Variants in POU2AF1 observed in about 807,000 individuals in gnomAD.
POU2AF1 encodes the protein POU class 2 homeobox associating factor 1.
A neutral mutation model predicts 26.3 loss-of-function variants in POU2AF1; 12 were observed. The ratio of observed to expected loss-of-function variants is 0.46; its 90% CI spans 0.29 to 0.74. POU2AF1 has a LOEUF of 0.74. POU2AF1 is among the 30% of genes least tolerant of loss of function. POU2AF1 has a pLI of 0.09. For synonymous variants in POU2AF1, 175 were observed against 148.0 expected, an observed-to-expected ratio of 1.18 and a Z score of -1.32; for missense variants, 297 against 334.5, an observed-to-expected ratio of 0.89 and a Z score of 0.87.
At chr11:111,378,545 C>T (rs1464292135) in intron 1 of POU2AF1, among the ~76,000 whole-genome samples, 1 of 152,208 alleles carries the variant, frequency 6.6e-6, no homozygotes, top group Non-Finnish European at 1.5e-5. Flanking sequence ...GATAAACCCA[C>T]TGCATCCTTT....
Position 111,354,481 on chromosome 11 carries a change from G to A in POU2AF1, c.551C>T (p.Ser184Phe). The A allele has an allele frequency of 6.2e-7, 1 of 1,608,658 alleles. No individual in the cohort carries two copies. The highest frequency in any genetic ancestry group is 8.5e-7 in the Non-Finnish European group (1 of 1,178,044). ...LTYFPWPQPL[S>F]TLPTSTLQYQ... ...CTGCAGGGTGGAGGTGGGTAGTGTG[G>A]AAAGGGGCTGAGGCCACGGGAAATA... The change falls in exon 5 of 5, where the codon TCC (serine) becomes TTC (phenylalanine). Residue 184 changes from serine (S) to phenylalanine (F), a missense_variant. Ser to Phe is a radical substitution (Grantham distance 155). Transcript: ENST00000393067.
intron 1 of POU2AF1, among the ~76,000 whole-genome samples, chr11:111,366,669 TCCAC>T (rs1349830385): frequency 6.6e-6 from 1 of 152,020 alleles, no homozygotes; most frequent in Non-Finnish European, 1.5e-5. Context: ...TGAACCAGGG[TCCAC>T]GGTCACTGAG....
In POU2AF1 at chr11:111,353,877, G is replaced by A. The variant is rs1185282259; in HGVS notation, c.*384C>T. ...GGAACAGAATTGAAAAAAGAAGTAA[G>A]AAAGAGAGAAGAAGCGAGGGAGGGA... On this transcript the variant is annotated 3_prime_UTR_variant, in exon 5 of 5. Transcript: ENST00000393067. 3 of 284,458 alleles carry A rather than the reference G, an allele frequency of 1.1e-5. No individual in the cohort carries two copies. The highest frequency in any genetic ancestry group is 1.9e-5 in the Non-Finnish European group (3 of 154,642). The allele number at this position is 284,458 out of a possible 1,614,324, so 17.6% of individuals were successfully genotyped here.
chr11:111,354,532 C>G lies in POU2AF1; in HGVS notation c.500G>C (p.Gly167Ala), dbSNP rs753286475. The change falls in exon 5 of 5, where the codon GGC becomes GCC. Residue 167 changes from glycine to alanine, a missense_variant. By Grantham distance (60) the Gly-to-Ala change is moderately conservative (BLOSUM62 0). Transcript: ENST00000393067. ...ATPAVGPPLE[G>A]PEHQAPLTYF... The stretch of plus-strand genomic sequence containing the variant: ...GGTGAGGGGTGCCTGGTGCTCTGGG[C>G]CCTCCAGCGGGGGCCCCACTGCGGG... 2 of 1,561,068 alleles carry G rather than the reference C, an allele frequency of 1.3e-6. No individual in the cohort carries two copies. Among genetic ancestry groups the G allele is most frequent in the African/African-American group, 1.4e-5 (1 of 72,340 alleles).
At chr11:111,374,349 A>G (rs4245182) in intron 1 of POU2AF1, among the ~76,000 whole-genome samples, 103,946 of 152,036 alleles carry the variant, frequency 0.68, 36,288 homozygotes, top group Admixed American at 0.79. Flanking sequence ...ACCTCCAGAC[A>G]GTGCACGTGA....
At chr11:111,358,677 TAC>T (rs915967220) in intron 2 of POU2AF1, 109 bp downstream of exon 2, 46 of 1,269,084 alleles carry the variant, frequency 3.6e-5, no homozygotes, top group Admixed American at 3.0e-4. Context: ...CACAAACACA[TAC>T]ACACACGCAT....
intron 1 of POU2AF1, among the ~76,000 whole-genome samples, chr11:111,372,301 C>T (rs1861228821): frequency 6.6e-6 from 1 of 152,128 alleles, no homozygotes; most frequent in African/African-American, 2.4e-5. Context: ...TTCAAACTGT[C>T]CCGCAGAAGA....
chr11:111,358,898 G>A lies in POU2AF1; in HGVS notation c.37C>T (p.Pro13Ser), dbSNP rs1860949027. ...WQKPTAPEQA[P>S]APARPYQGVR... ...CCCTGGTATGGCCGGGCCGGGGCTG[G>A]GGCTTGCTCCGGAGCTGTGGCTGTG... is the stretch of plus-strand genomic sequence containing the variant. The change falls in exon 2 of 5, where the codon CCA becomes TCA. Residue 13 changes from proline to serine, a missense_variant. By Grantham distance (74) the Pro-to-Ser change is moderately conservative (BLOSUM62 -1). Transcript: ENST00000393067. 4 of 1,606,534 alleles carry A rather than the reference G, an allele frequency of 2.5e-6. No homozygotes were observed. The highest frequency in any genetic ancestry group is 3.4e-6 in the Non-Finnish European group (4 of 1,179,762).
chr11:111,368,758 C>G (rs1861153634), intron 1 of POU2AF1, among the ~76,000 whole-genome samples: 1 of 152,234 alleles, frequency 6.6e-6, no homozygotes, highest in Non-Finnish European at 1.5e-5. Context: ...TGGCAAATCA[C>G]TTAACCATTG....
At chr11:111,372,090 A>AGAG (rs1861224629) in intron 1 of POU2AF1, among the ~76,000 whole-genome samples, 2 of 140,822 alleles carry the variant, frequency 1.4e-5, no homozygotes, top group African/African-American at 5.2e-5. Context: ...AGAGAGAGAG[A>AGAG]TGAAGGAGCA....
At chr11:111,365,566 T>C (rs1320601655) in intron 1 of POU2AF1, among the ~76,000 whole-genome samples, 1 of 152,218 alleles carries the variant, frequency 6.6e-6, no homozygotes, top group Admixed American at 6.5e-5. Flanking sequence ...TTCTCTTTAT[T>C]TGTAGCAAAA....
intron 1 of POU2AF1, among the ~76,000 whole-genome samples, chr11:111,367,657 C>CT (rs1436775055): frequency 6.6e-6 from 1 of 152,152 alleles, no homozygotes; most frequent in Non-Finnish European, 1.5e-5. Flanking sequence ...CCTAACCCTC[C>CT]TTGCTCCAGT....
At chr11:111,363,455 C>A in intron 1 of POU2AF1, 2 of 1,011,800 alleles carry the variant, frequency 2.0e-6, no homozygotes, top group African/African-American at 3.4e-5. Flanking sequence ...CAACAATAAA[C>A]ATTTTTAATT....
intron 1 of POU2AF1, among the ~76,000 whole-genome samples, chr11:111,362,746 T>G (rs1021279638): frequency 6.7e-6 from 1 of 150,334 alleles, no homozygotes; most frequent in Admixed American, 6.7e-5. Flanking sequence ...CAAGAGAAAT[T>G]TGGGAAATGG....
chr11:111,367,116 C>T (rs1348183581), intron 1 of POU2AF1, among the ~76,000 whole-genome samples: 1 of 152,166 alleles, frequency 6.6e-6, no homozygotes, highest in Non-Finnish European at 1.5e-5. Context: ...GCCCTCTAAC[C>T]CTTCCCTCAC....
chr11:111,378,771 A>G (rs1861361167), intron 1 of POU2AF1, among the ~76,000 whole-genome samples: 1 of 152,218 alleles, frequency 6.6e-6, no homozygotes, highest in African/African-American at 2.4e-5. Context: ...TTATGGAAAT[A>G]AAGCCCCTCC....
chr11:111,362,555 A>G (rs1281138748), intron 1 of POU2AF1, among the ~76,000 whole-genome samples: 1 of 152,208 alleles, frequency 6.6e-6, no homozygotes, highest in Non-Finnish European at 1.5e-5. Flanking sequence ...TACAAGTGAG[A>G]ACATGAGAAT....
intron 1 of POU2AF1, among the ~76,000 whole-genome samples, chr11:111,377,567 A>C (rs960905524): frequency 1.3e-5 from 2 of 152,200 alleles, no homozygotes; most frequent in Admixed American, 6.5e-5. Context: ...CTTACTAAGG[A>C]TAGATCCTCA....
intron 2 of POU2AF1, 28 bp downstream of exon 2, chr11:111,358,752 ACACACACT>A (rs1334323877): frequency 3.3e-5 from 51 of 1,544,704 alleles, no homozygotes; most frequent in African/African-American, 5.5e-5. Context: ...TCTTTCACAC[ACACACACT>A]CACACTCTCA....
Sources: allele counts gnomAD v4.1 joint callset (sites outside exome capture counted in the v4.1 genomes callset), GRCh38; gene constraint gnomAD v4.1.1; transcripts MANE v1.5; gene names NCBI Gene and HGNC (gene_info 2026-07-23, HGNC 2026-07-21).